Variants in LPP observed in about 807,000 individuals in gnomAD.
LPP encodes lipoma-preferred partner.
Under a neutral mutation model 60.4 loss-of-function variants are expected in LPP, and 38 were observed. That is an observed-to-expected ratio of 0.63 (90% CI 0.49 to 0.83). The LOEUF is 0.83. LPP is among the 40% of genes least tolerant of loss of function. The probability of loss-of-function intolerance (pLI) is 0.00; values close to 1 mark genes in which losing one functional copy is unlikely to be tolerated. For missense variants in LPP, 902 were observed against 783.6 expected, an observed-to-expected ratio of 1.15 and a Z score of -1.80; for synonymous variants, 328 against 290.8, an observed-to-expected ratio of 1.13 and a Z score of -1.30.
At chr3:188,533,428 G>A (rs1822722288) in intron 6 of LPP, among the ~76,000 whole-genome samples, 1 of 152,108 alleles carries the variant, frequency 6.6e-6, no homozygotes, top group South Asian at 2.1e-4. Context: ...GATAGGAACT[G>A]GGTAATAAAT....
At chr3:188,596,655 G>C (rs1178930355) in intron 6 of LPP, among the ~76,000 whole-genome samples, 3 of 152,006 alleles carry the variant, frequency 2.0e-5, no homozygotes, top group African/African-American at 7.3e-5. Context: ...ACTTTGTTAG[G>C]AGCTTAATGT....
chr3:188,253,153 C>G (rs890309329), intron 2 of LPP, among the ~76,000 whole-genome samples: 2 of 150,844 alleles, frequency 1.3e-5, no homozygotes, highest in African/African-American at 4.9e-5. Flanking sequence ...ATATATTGGC[C>G]TTTCATCTAT....
At chr3:188,774,045 G>A (rs1415474833) in intron 9 of LPP, among the ~76,000 whole-genome samples, 1 of 152,128 alleles carries the variant, frequency 6.6e-6, no homozygotes, top group Non-Finnish European at 1.5e-5. Context: ...AGAAAACCAG[G>A]GGGTTTGGAA....
At chr3:188,253,529 G>A (rs1462031165) in intron 2 of LPP, among the ~76,000 whole-genome samples, 1 of 152,098 alleles carries the variant, frequency 6.6e-6, no homozygotes, top group Admixed American at 6.5e-5. Context: ...TGAGATTGGT[G>A]GTTACTTTTT....
At chr3:188,297,861 AC>A (rs1352281396) in intron 2 of LPP, among the ~76,000 whole-genome samples, 2 of 152,326 alleles carry the variant, frequency 1.3e-5, no homozygotes, top group East Asian at 3.9e-4. Context: ...AGTTGAGCTC[AC>A]TACTTCATTT....
At chr3:188,793,393 A>G (rs755377528) in intron 9 of LPP, among the ~76,000 whole-genome samples, 1 of 151,816 alleles carries the variant, frequency 6.6e-6, no homozygotes, top group Non-Finnish European at 1.5e-5. Flanking sequence ...TGTTGGAGAG[A>G]CTGGTCTTGA....
chr3:188,833,273 T>C lies in LPP; in HGVS notation c.1411-32927T>C, dbSNP rs566598863. On this transcript the variant is annotated intron_variant, in intron 9 of 11. Transcript: ENST00000617246. ...CAGTTTGGAATTGCATCACTGATTC[T>C]GAATTCCCCATGGTACATTTCAGGT... 4.6e-5 allele frequency among the ~76,000 whole-genome samples: 7 copies of C among 152,368 alleles called. No individual in the cohort carries two copies. In the East Asian group the frequency reaches 1.2e-3, roughly 25 times the overall value.
chr3:188,470,614 T>G (rs1801612802), intron 4 of LPP, among the ~76,000 whole-genome samples: 1 of 152,120 alleles, frequency 6.6e-6, no homozygotes, highest in South Asian at 2.1e-4. Context: ...ACCTTGATAA[T>G]GCTCTAAAGT....
chr3:188,458,222 C>T (rs1409204906), intron 4 of LPP, among the ~76,000 whole-genome samples: 1 of 152,042 alleles, frequency 6.6e-6, no homozygotes, highest in Non-Finnish European at 1.5e-5. Flanking sequence ...TGGATATGGG[C>T]TAAATTGTGT....
chr3:188,822,426 C>G (rs1754236036), intron 9 of LPP, among the ~76,000 whole-genome samples: 1 of 152,012 alleles, frequency 6.6e-6, no homozygotes, highest in African/African-American at 2.4e-5. Flanking sequence ...CACTGAAATT[C>G]CAGTGTGATT....
chr3:188,842,977 C>A (rs776473555), intron 9 of LPP, among the ~76,000 whole-genome samples: 37 of 152,148 alleles, frequency 2.4e-4, no homozygotes, highest in Admixed American at 8.5e-4. Flanking sequence ...AAGAATCACA[C>A]CATATTTATT....
intron 7 of LPP, among the ~76,000 whole-genome samples, chr3:188,615,150 G>A (rs1222475620): frequency 6.6e-6 from 1 of 152,124 alleles, no homozygotes; most frequent in Non-Finnish European, 1.5e-5. Flanking sequence ...ACCTTAATAA[G>A]TTCCCAACCA....
intron 5 of LPP, among the ~76,000 whole-genome samples, chr3:188,489,927 C>T (rs1807814897): frequency 6.6e-6 from 1 of 152,192 alleles, no homozygotes; most frequent in South Asian, 2.1e-4. Flanking sequence ...TTGCATACCT[C>T]TGGTTTTCAT....
intron 9 of LPP, among the ~76,000 whole-genome samples, chr3:188,805,809 A>G (rs1748951204): frequency 1.3e-5 from 2 of 151,768 alleles, no homozygotes; most frequent in Non-Finnish European, 1.5e-5. Context: ...GATATTTTCT[A>G]ATGTATCTAG....
intron 8 of LPP, among the ~76,000 whole-genome samples, chr3:188,723,155 A>C (rs892678102): frequency 6.6e-6 from 1 of 152,214 alleles, no homozygotes; most frequent in African/African-American, 2.4e-5. Flanking sequence ...TTTTGACTCA[A>C]ATTGAACAGG....
intron 6 of LPP, among the ~76,000 whole-genome samples, chr3:188,530,131 G>C (rs898699483): frequency 6.7e-6 from 1 of 149,522 alleles, no homozygotes; most frequent in South Asian, 2.2e-4. Flanking sequence ...GGTATGTAAA[G>C]TGTAAATGGG....
At chr3:188,679,613 A>G (rs979931323) in intron 7 of LPP, among the ~76,000 whole-genome samples, 1 of 151,800 alleles carries the variant, frequency 6.6e-6, no homozygotes, top group African/African-American at 2.4e-5. Flanking sequence ...ACTATGAGGA[A>G]CTGGTAAATT....
chr3:188,689,160 G>T (rs1303247609), intron 7 of LPP, among the ~76,000 whole-genome samples: 4 of 152,160 alleles, frequency 2.6e-5, no homozygotes, highest in Non-Finnish European at 5.9e-5. Flanking sequence ...GTGTTGGGAG[G>T]ATTTGAGCCT....
At chr3:188,414,540 T>G (rs6769665) in intron 4 of LPP, among the ~76,000 whole-genome samples, 9,477 of 152,210 alleles carry the variant, frequency 0.062, 987 homozygotes, top group African/African-American at 0.22. Flanking sequence ...TAAGTACTCA[T>G]GTCATTAGCT....
Sources: allele counts gnomAD v4.1 joint callset (sites outside exome capture counted in the v4.1 genomes callset), GRCh38; gene constraint gnomAD v4.1.1; transcripts MANE v1.5; gene names NCBI Gene and HGNC (gene_info 2026-07-23, HGNC 2026-07-21).